Variants in PTPRD observed in about 807,000 individuals in gnomAD.
PTPRD encodes protein tyrosine phosphatase receptor type D.
Under a neutral mutation model 214.5 loss-of-function variants are expected in PTPRD, and 34 were observed. The ratio of observed to expected loss-of-function variants is 0.16; its 90% CI spans 0.12 to 0.21. The LOEUF (loss-of-function observed/expected upper bound fraction) is 0.21. Ranked by LOEUF, PTPRD falls within the 10% of genes least tolerant of loss-of-function variation. The pLI is 1.00. For missense variants in PTPRD, 2,545 were observed against 2,398.7 expected, an observed-to-expected ratio of 1.06 and a Z score of -1.27; for synonymous variants, 1,128 against 845.7, an observed-to-expected ratio of 1.33 and a Z score of -5.79.
At chr9:8,718,876 C>T (rs2098463798) in intron 12 of PTPRD, among the ~76,000 whole-genome samples, 1 of 152,080 alleles carries the variant, frequency 6.6e-6, no homozygotes, top group South Asian at 2.1e-4. Flanking sequence ...TATTTCCGAG[C>T]GTTTGCTGCT....
intron 14 of PTPRD, among the ~76,000 whole-genome samples, chr9:8,537,836 T>G (rs909873263): frequency 6.6e-6 from 1 of 152,032 alleles, no homozygotes; most frequent in Non-Finnish European, 1.5e-5. Flanking sequence ...AATGTCTACA[T>G]AGCAGAACAT....
chr9:9,532,175 T>A (rs1467504293), intron 8 of PTPRD, among the ~76,000 whole-genome samples: 1 of 152,066 alleles, frequency 6.6e-6, no homozygotes, highest in Non-Finnish European at 1.5e-5. Flanking sequence ...AAGGTGAATG[T>A]GACTCAGAGT....
intron 3 of PTPRD, among the ~76,000 whole-genome samples, chr9:10,140,776 G>C (rs1256748251): frequency 6.6e-6 from 1 of 151,852 alleles, no homozygotes; most frequent in Non-Finnish European, 1.5e-5. Context: ...TGATACCAAA[G>C]CCGGGCAGAG....
rs2130582948 is a variant in PTPRD, at chr9:8,404,523, C to G, written c.4210+14G>C. 6.2e-7 allele frequency: 1 copy of G among 1,605,064 alleles called. No homozygotes were observed. The highest frequency in any genetic ancestry group is 8.5e-7 in the Non-Finnish European group (1 of 1,173,102). ...ATGAAAATAAAGGTATCAGTGATGT[C>G]TGCATTTCCTTACCTTCTATAGCTG... On this transcript the variant is annotated intron_variant, in intron 36 of 45. Coordinates refer to ENST00000381196, the MANE Select transcript of PTPRD (RefSeq NM_002839.4).
In PTPRD at chr9:9,229,526, G is replaced by A. The variant is rs561189439; in HGVS notation, c.-202-46163C>T. The stretch of plus-strand genomic sequence containing the variant: ...CCAATTGGCCAAGCTTAGATCATGT[G>A]TCCTCTCTAGACTGTACAAAAATGT... On this transcript the variant is annotated intron_variant, in intron 9 of 45. Transcript: ENST00000381196. Among the ~76,000 whole-genome samples, 40 of 152,216 alleles carry A rather than the reference G, an allele frequency of 2.6e-4. No individual in the cohort carries two copies. The South Asian group carries it at 7.9e-3, about 30-fold the overall frequency.
intron 3 of PTPRD, among the ~76,000 whole-genome samples, chr9:10,051,192 G>A (rs993329043): frequency 2.0e-5 from 3 of 152,030 alleles, no homozygotes; most frequent in Non-Finnish European, 2.9e-5. Flanking sequence ...TTGTATGTTA[G>A]AGAAGAAAAA....
intron 2 of PTPRD, among the ~76,000 whole-genome samples, chr9:10,598,694 GTGT>G (rs1183291707): frequency 4.9e-5 from 5 of 102,644 alleles, no homozygotes; most frequent in Non-Finnish European, 7.9e-5. Flanking sequence ...GTGTGTGTGT[GTGT>G]GTGTGTGGTG....
At chr9:9,913,520 C>T (rs919418442) in intron 5 of PTPRD, among the ~76,000 whole-genome samples, 2 of 151,982 alleles carry the variant, frequency 1.3e-5, no homozygotes, top group Non-Finnish European at 2.9e-5. Context: ...ACTGGAGTGT[C>T]GAAGGGAAAG....
chr9:9,396,708 A>G (rs755522073), intron 9 of PTPRD, among the ~76,000 whole-genome samples: 2 of 151,980 alleles, frequency 1.3e-5, no homozygotes, highest in Non-Finnish European at 2.9e-5. Flanking sequence ...TCCTTATCGC[A>G]ATTGAATAAG....
chr9:9,904,257 C>T (rs2077047736), intron 5 of PTPRD, among the ~76,000 whole-genome samples: 1 of 152,058 alleles, frequency 6.6e-6, no homozygotes, highest in Non-Finnish European at 1.5e-5. Context: ...AAATGAGAAT[C>T]AGGAAGTCAG....
intron 11 of PTPRD, among the ~76,000 whole-genome samples, chr9:8,998,875 G>T (rs2099407221): frequency 6.6e-6 from 1 of 152,044 alleles, no homozygotes; most frequent in African/African-American, 2.4e-5. Flanking sequence ...CCTCACAGAT[G>T]ACTTTGAGAG....
At chr9:8,347,190 T>A (rs1254816269) in intron 39 of PTPRD, among the ~76,000 whole-genome samples, 2 of 152,002 alleles carry the variant, frequency 1.3e-5, no homozygotes, top group Admixed American at 6.6e-5. Context: ...ACCAAAGAAA[T>A]CAGGAAATAC....
chr9:9,792,418 T>C (rs552701058), intron 5 of PTPRD, among the ~76,000 whole-genome samples: 1 of 152,296 alleles, frequency 6.6e-6, no homozygotes, highest in South Asian at 2.1e-4. Flanking sequence ...TAAGTGATCA[T>C]TAAGACTTAT....
intron 7 of PTPRD, among the ~76,000 whole-genome samples, chr9:9,575,717 C>CAAAAAAAAAAAAAAAAAA (rs757614546): frequency 4.5e-4 from 15 of 33,314 alleles, no homozygotes; most frequent in East Asian, 1.3e-3. Context: ...AAGACTGTCT[C>CAAAAAAAAAAAAAAAAAA]AAAAAAAAAA....
chr9:8,953,994 T>C (rs2099117823), intron 11 of PTPRD, among the ~76,000 whole-genome samples: 1 of 151,968 alleles, frequency 6.6e-6, no homozygotes. Context: ...CGTTACTAGT[T>C]ATATACCCAA....
At chr9:8,567,112 A>C (rs2089539942) in intron 14 of PTPRD, among the ~76,000 whole-genome samples, 1 of 152,192 alleles carries the variant, frequency 6.6e-6, no homozygotes. Context: ...ATATTTTATC[A>C]GTACGTTATA....
intron 2 of PTPRD, among the ~76,000 whole-genome samples, chr9:10,376,646 T>C (rs1246568063): frequency 6.6e-6 from 1 of 151,868 alleles, no homozygotes; most frequent in African/African-American, 2.4e-5. Flanking sequence ...TATTCTTCAA[T>C]GCTATTTAAA....
At chr9:10,169,473 C>CAAAAAAAAAAAAAAAAAAAAAAA (rs59335943) in intron 3 of PTPRD, among the ~76,000 whole-genome samples, 8 of 66,844 alleles carry the variant, frequency 1.2e-4, no homozygotes, top group African/African-American at 5.0e-4. Flanking sequence ...GACTCTGTCT[C>CAAAAAAAAAAAAAAAAAAAAAAA]AAAAAAAAAA....
At chr9:8,727,123 G>A (rs1235403806) in intron 12 of PTPRD, among the ~76,000 whole-genome samples, 3 of 151,436 alleles carry the variant, frequency 2.0e-5, no homozygotes, top group Non-Finnish European at 4.4e-5. Flanking sequence ...CAAATAATAA[G>A]AATTAGTTCA....
Sources: gnomAD v4.1 joint callset for allele counts (sites outside exome capture counted in the v4.1 genomes callset) on GRCh38, gnomAD v4.1.1 for gene constraint, MANE v1.5 for transcripts, NCBI Gene and HGNC (gene_info 2026-07-23, HGNC 2026-07-21) for gene names.